The following RANBP2 variants were observed in gnomAD, a reference collection of about 807,000 sequenced individuals.
The protein encoded by RANBP2 is E3 SUMO-protein ligase RanBP2.
In RANBP2, 57 loss-of-function variants were observed where a neutral mutation model predicts 303.6. The observed-to-expected ratio is 0.19, with a 90% CI of 0.15 to 0.23. The LOEUF is 0.23. Among genes scored for constraint, RANBP2 ranks in the 10% least tolerant of loss-of-function variants. The probability of loss-of-function intolerance (pLI) is 1.00; values close to 1 mark genes in which losing one functional copy is unlikely to be tolerated. For synonymous variants in RANBP2, 1,167 were observed against 1,301.5 expected (o/e 0.90, Z 2.23); for missense variants, 3,138 against 3,780.8 (o/e 0.83, Z 4.46).
chr2:109,579,369 G>T, the RANBP2 span, among the ~76,000 whole-genome samples: 2 of 149,282 alleles, frequency 1.3e-5, no homozygotes, highest in African/African-American at 4.9e-5. Context: ...CTCTGATCTT[G>T]TAACTCCAGG....
the RANBP2 span, among the ~76,000 whole-genome samples, chr2:108,877,816 T>C: frequency 2.0e-5 from 3 of 152,242 alleles, no homozygotes; most frequent in African/African-American, 7.2e-5. Flanking sequence ...GAGAAAAGGG[T>C]TCTATAATTA....
At chr2:109,155,981 C>T in the RANBP2 span, among the ~76,000 whole-genome samples, 9 of 152,216 alleles carry the variant, frequency 5.9e-5, no homozygotes. Flanking sequence ...CTGAGCTCTG[C>T]AGGGATTCTC....
chr2:109,150,491 G>A, the RANBP2 span, among the ~76,000 whole-genome samples: 2 of 152,266 alleles, frequency 1.3e-5, no homozygotes, highest in East Asian at 3.9e-4. Context: ...ACAAAAACGA[G>A]GAATTCAACT....
At chr2:109,210,987 G>A in the RANBP2 span, among the ~76,000 whole-genome samples, 1 of 152,282 alleles carries the variant, frequency 6.6e-6, no homozygotes, top group South Asian at 2.1e-4. Flanking sequence ...GTGCACACCC[G>A]CTCTGCTCAG....
chr2:108,974,950 T>C, the RANBP2 span, among the ~76,000 whole-genome samples: 2 of 151,736 alleles, frequency 1.3e-5, no homozygotes, highest in Non-Finnish European at 2.9e-5. Context: ...GATTCAGGAG[T>C]CAGAAGGAAG....
At chr2:109,295,430 C>T in the RANBP2 span, among the ~76,000 whole-genome samples, 20 of 152,310 alleles carry the variant, frequency 1.3e-4, no homozygotes, top group Admixed American at 3.3e-4. Context: ...GAACTCAGGG[C>T]GGGAGCCGAG....
the RANBP2 span, among the ~76,000 whole-genome samples, chr2:109,598,071 GT>G: frequency 6.6e-6 from 1 of 151,722 alleles, no homozygotes; most frequent in East Asian, 1.9e-4. Flanking sequence ...GTTTTGTTTT[GT>G]TTTTTTTGAG....
At chr2:109,651,130 G>T in the RANBP2 span, among the ~76,000 whole-genome samples, 7 of 152,054 alleles carry the variant, frequency 4.6e-5, no homozygotes, top group Admixed American at 3.9e-4. Context: ...CAAAGGGAGA[G>T]GCAAAGTCCC....
the RANBP2 span, among the ~76,000 whole-genome samples, chr2:109,701,155 C>G: frequency 6.6e-6 from 1 of 152,196 alleles, no homozygotes; most frequent in Non-Finnish European, 1.5e-5. Flanking sequence ...TGCAAGCACA[C>G]GAGCCCAAAC....
chr2:109,462,879 C>T, the RANBP2 span, among the ~76,000 whole-genome samples: 4 of 152,206 alleles, frequency 2.6e-5, no homozygotes, highest in African/African-American at 7.2e-5. Flanking sequence ...ACCATAGTGA[C>T]ATTTGGCTCT....
chr2:109,075,857 TG>T, the RANBP2 span, among the ~76,000 whole-genome samples: 1 of 150,436 alleles, frequency 6.6e-6, no homozygotes, highest in Admixed American at 6.6e-5. Context: ...GAAAAATCGA[TG>T]GCTTTCATGG....
chr2:109,531,896 C>A, the RANBP2 span, among the ~76,000 whole-genome samples: 1 of 152,242 alleles, frequency 6.6e-6, no homozygotes, highest in Admixed American at 6.5e-5. Flanking sequence ...TCTGGCTCAA[C>A]CCACATAACT....
At chr2:108,729,495 T>G in intron 2 of RANBP2, among the ~76,000 whole-genome samples, 1 of 152,252 alleles carries the variant, frequency 6.6e-6, no homozygotes, top group East Asian at 1.9e-4. Flanking sequence ...GCCTATATCT[T>G]AATTTGTTTT....
chr2:109,146,966 A>G, the RANBP2 span, among the ~76,000 whole-genome samples: 1 of 136,782 alleles, frequency 7.3e-6, no homozygotes, highest in Non-Finnish European at 1.5e-5. Context: ...AACTGTTCCC[A>G]TCTTTCCTCC....
chr2:109,673,168 A>T, the RANBP2 span, among the ~76,000 whole-genome samples: 1 of 152,182 alleles, frequency 6.6e-6, no homozygotes, highest in Non-Finnish European at 1.5e-5. Flanking sequence ...GAATTACGGG[A>T]TGGTTAAGAG....
At chr2:109,519,666 A>G in the RANBP2 span, among the ~76,000 whole-genome samples, 1 of 152,234 alleles carries the variant, frequency 6.6e-6, no homozygotes, top group East Asian at 1.9e-4. Context: ...AGATAAAACC[A>G]CATATGTCAC....
At chr2:108,906,022 T>C in the RANBP2 span, among the ~76,000 whole-genome samples, 1 of 152,164 alleles carries the variant, frequency 6.6e-6, no homozygotes, top group Admixed American at 6.5e-5. Context: ...CCGTGGCTGC[T>C]GCTCACCGAC....
the RANBP2 span, among the ~76,000 whole-genome samples, chr2:109,079,465 C>T: frequency 6.6e-6 from 1 of 152,088 alleles, no homozygotes; most frequent in African/African-American, 2.4e-5. Context: ...TGCCCCTAAC[C>T]CCTTCGTTGT....
chr2:109,220,649 A>G, the RANBP2 span, among the ~76,000 whole-genome samples: 4 of 152,370 alleles, frequency 2.6e-5, no homozygotes, highest in Admixed American at 2.6e-4. Flanking sequence ...ACAAATGGCC[A>G]GTAAGCACAT....
Sources: allele counts gnomAD v4.1 joint callset (sites outside exome capture counted in the v4.1 genomes callset), GRCh38; gene constraint gnomAD v4.1.1; transcripts MANE v1.5; gene names NCBI Gene and HGNC (gene_info 2026-07-23, HGNC 2026-07-21).